The following GLRA2 variants were observed in gnomAD, a reference collection of about 807,000 sequenced individuals.
GLRA2 encodes glycine receptor subunit alpha-2.
Under a neutral mutation model 31.6 loss-of-function variants are expected in GLRA2, and 11 were observed. The ratio of observed to expected loss-of-function variants is 0.35; its 90% CI spans 0.22 to 0.58. GLRA2 has a LOEUF of 0.58. Among genes scored for constraint, GLRA2 ranks in the 20% least tolerant of loss-of-function variants. The pLI is 0.84. For synonymous variants in GLRA2, 132 were observed against 134.0 expected, an observed-to-expected ratio of 0.99 and a Z score of 0.10; for missense variants, 212 against 351.8, an observed-to-expected ratio of 0.60 and a Z score of 3.18.
the GLRA2 span, among the ~76,000 whole-genome samples, chrX:14,466,847 G>A: frequency 3.6e-5 from 4 of 112,065 alleles, no homozygotes; most frequent in African/African-American, 9.7e-5. Flanking sequence ...AAATTACAAC[G>A]TAGAAATGCC....
rs969141508 is a variant in GLRA2, at chrX:14,607,633, G to A, written c.715+365G>A. 6.3e-5 allele frequency among the ~76,000 whole-genome samples: 7 copies of A among 111,333 alleles called. 1 individual carries two copies. The highest frequency in any genetic ancestry group is 1.1e-4 in the Non-Finnish European group (6 of 53,018). The stretch of plus-strand genomic sequence containing the variant: ...CTTTCTGGCATCCGCTCTTGCCATT[G>A]GATGCTTAGGTCAATTTGCACCCAC... On this transcript the variant is annotated intron_variant, in intron 6 of 8. Transcript: ENST00000218075.
chrX:14,650,582 T>C (rs1466638002), intron 7 of GLRA2, among the ~76,000 whole-genome samples: 1 of 110,882 alleles, frequency 9.0e-6, no homozygotes, highest in Non-Finnish European at 1.9e-5. Context: ...TTTCTACCCA[T>C]TGAGAAATTC....
chrX:14,557,364 C>T (rs2089663966), intron 2 of GLRA2, among the ~76,000 whole-genome samples: 1 of 110,671 alleles, frequency 9.0e-6, no homozygotes, highest in Admixed American at 9.6e-5. Flanking sequence ...ATCCGCCCGC[C>T]TCGGCCTCCC....
At chrX:14,507,686 A>ATTTTTTTTTTTTTTTTT in the GLRA2 span, among the ~76,000 whole-genome samples, 6 of 56,047 alleles carry the variant, frequency 1.1e-4, no homozygotes, top group African/African-American at 1.9e-4. Flanking sequence ...TACGAAAGAC[A>ATTTTTTTTTTTTTTTTT]TTCTTTTTTT....
In GLRA2 at chrX:14,624,362, CT is replaced by C. The variant is rs2090562500; in HGVS notation, c.930+15158del. ...TGTCTCTATCTCCTTCAGTTCTGCT[CT>C]GATCTTAAGTTATTTCTTGCCTTCT... is the stretch of plus-strand genomic sequence containing the variant. On this transcript the variant is annotated intron_variant, in intron 7 of 8. Coordinates refer to ENST00000218075, the MANE Select transcript of GLRA2 (RefSeq NM_002063.4). Among the ~76,000 whole-genome samples, 3 of 111,433 alleles carry C rather than the reference CT, an allele frequency of 2.7e-5. No individual in the cohort carries two copies. In the East Asian group the frequency reaches 8.5e-4, roughly 32 times the overall value.
chrX:14,629,084 A>G (rs1198105406), intron 7 of GLRA2, among the ~76,000 whole-genome samples: 1 of 111,642 alleles, frequency 9.0e-6, no homozygotes, highest in Non-Finnish European at 1.9e-5. Context: ...TTGATTATAT[A>G]TAAGGAATTG....
At chrX:14,729,528 G>T (rs775486338) in intron 8 of GLRA2, among the ~76,000 whole-genome samples, 1 of 111,621 alleles carries the variant, frequency 9.0e-6, no homozygotes, top group South Asian at 3.8e-4. Flanking sequence ...CAGCTAAAAT[G>T]ACACATTTAA....
At chrX:14,668,504 G>T (rs957903693) in intron 7 of GLRA2, among the ~76,000 whole-genome samples, 1 of 111,760 alleles carries the variant, frequency 8.9e-6, no homozygotes, top group African/African-American at 3.3e-5. Context: ...GTATTAGTCC[G>T]TTTTCACACT....
chrX:14,454,168 ACACACC>A, the GLRA2 span, among the ~76,000 whole-genome samples: 2 of 30,578 alleles, frequency 6.5e-5, no homozygotes, highest in Non-Finnish European at 1.2e-4. Flanking sequence ...ACACACCCAC[ACACACC>A]CACACCCACA....
intron 8 of GLRA2, among the ~76,000 whole-genome samples, chrX:14,721,513 G>A (rs963558603): frequency 3.6e-5 from 4 of 111,158 alleles, no homozygotes; most frequent in African/African-American, 3.3e-5. Context: ...CTTAATATTC[G>A]TAGAAGCTTA....
chrX:14,486,606 T>A, the GLRA2 span, among the ~76,000 whole-genome samples: 1 of 111,518 alleles, frequency 9.0e-6, no homozygotes, highest in Non-Finnish European at 1.9e-5. Flanking sequence ...ATAAATAATC[T>A]GGGGATACTA....
intron 7 of GLRA2, among the ~76,000 whole-genome samples, chrX:14,613,490 T>TA (rs202171753): frequency 9.0e-6 from 1 of 110,727 alleles, no homozygotes; most frequent in African/African-American, 3.3e-5. Context: ...AAAACAACAA[T>TA]AAAAAAAATA....
At chrX:14,486,605 C>A in the GLRA2 span, among the ~76,000 whole-genome samples, 2 of 111,365 alleles carry the variant, frequency 1.8e-5, no homozygotes, top group African/African-American at 6.5e-5. Context: ...TATAAATAAT[C>A]TGGGGATACT....
At chrX:14,641,149 A>T (rs779717613) in intron 7 of GLRA2, among the ~76,000 whole-genome samples, 104 of 111,650 alleles carry the variant, frequency 9.3e-4, no homozygotes, top group Middle Eastern at 4.6e-3. Context: ...ACCTTATCAC[A>T]TGCTCAGTAG....
chrX:14,596,119 T>A (rs1601748513), intron 4 of GLRA2, among the ~76,000 whole-genome samples: 4 of 111,126 alleles, frequency 3.6e-5, no homozygotes, highest in Non-Finnish European at 7.6e-5. Context: ...AAATTTTTGT[T>A]GTGGTTCATT....
chrX:14,539,535 A>C (rs562756060), intron 2 of GLRA2, among the ~76,000 whole-genome samples: 1 of 111,816 alleles, frequency 8.9e-6, no homozygotes, highest in Middle Eastern at 4.7e-3. Context: ...CAAAGTCACC[A>C]GGTTACTCAC....
intron 4 of GLRA2, among the ~76,000 whole-genome samples, chrX:14,592,707 G>A (rs1166245377): frequency 9.0e-6 from 1 of 111,547 alleles, no homozygotes; most frequent in Non-Finnish European, 1.9e-5. Flanking sequence ...TTTACACAAT[G>A]ACAAATACTC....
At chrX:14,562,768 C>A (rs1021259001) in intron 2 of GLRA2, among the ~76,000 whole-genome samples, 1 of 111,485 alleles carries the variant, frequency 9.0e-6, no homozygotes, top group Non-Finnish European at 1.9e-5. Context: ...CCAGTCATAT[C>A]AGATTAGGGG....
Position 14,530,025 on chromosome X carries a change from G to A in GLRA2, c.-33G>A, listed in dbSNP as rs776701178. The A allele has an allele frequency of 2.8e-6, 3 of 1,063,206 alleles. No individual in the cohort carries two copies. The highest frequency in any genetic ancestry group is 2.2e-5 in the Admixed American group (1 of 45,538). The allele number at this position is 1,063,206 out of a possible 1,213,427, so 87.6% of individuals were successfully genotyped here. ...CCTAGCATCTTTCTGGAATCATTTC[G>A]GGATATTTTCCACAAGCAACACAGA... On this transcript the variant is annotated 5_prime_UTR_variant, in exon 1 of 9. Coordinates refer to ENST00000218075, the MANE Select transcript of GLRA2 (RefSeq NM_002063.4).
Sources: gnomAD v4.1 joint callset for allele counts (sites outside exome capture counted in the v4.1 genomes callset) on GRCh38, gnomAD v4.1.1 for gene constraint, MANE v1.5 for transcripts, NCBI Gene and HGNC (gene_info 2026-07-23, HGNC 2026-07-21) for gene names.